DSCAM: variants seen among roughly 807,000 people sequenced by gnomAD.
The protein encoded by DSCAM is cell adhesion molecule DSCAM.
In DSCAM, 47 loss-of-function variants were observed where a neutral mutation model predicts 217.7. The observed-to-expected ratio is 0.22, with a 90% CI of 0.17 to 0.28. DSCAM has a LOEUF of 0.28. Ranked by LOEUF, DSCAM falls within the 10% of genes least tolerant of loss-of-function variation. DSCAM has a pLI of 1.00. For synonymous variants in DSCAM, 1,056 were observed against 1,015.3 expected, an observed-to-expected ratio of 1.04 and a Z score of -0.76; for missense variants, 2,080 against 2,618.3, an observed-to-expected ratio of 0.79 and a Z score of 4.49.
intron 29 of DSCAM, among the ~76,000 whole-genome samples, chr21:40,055,141 G>A (rs1482998821): frequency 6.6e-6 from 1 of 152,152 alleles, no homozygotes; most frequent in Non-Finnish European, 1.5e-5. Flanking sequence ...AAACCTCAGG[G>A]TGGCTGTTCT....
chr21:40,101,872 G>A (rs1227137778), intron 20 of DSCAM, among the ~76,000 whole-genome samples: 1 of 152,108 alleles, frequency 6.6e-6, no homozygotes, highest in Non-Finnish European at 1.5e-5. Flanking sequence ...AGGACCCCAT[G>A]AGCCAGACAT....
rs1415971571 is a variant in DSCAM at position 40,732,263 on chromosome 21, CCTTT to C, written c.44-23496_44-23493del. 1.9e-4 allele frequency among the ~76,000 whole-genome samples: 29 copies of C among 152,166 alleles called. 1 individual carries two copies. Among genetic ancestry groups the C allele is most frequent in the Admixed American group, 1.8e-3 (28 of 15,284 alleles). On this transcript the variant is annotated intron_variant, in intron 1 of 32. Coordinates refer to ENST00000400454, the MANE Select transcript of DSCAM (RefSeq NM_001389.5). ...TTATATCACCCTAGGACCCTCCCTTCCTTTAAGAATGAAGTTAAAGAGAGGCAGA... is the reference window on the plus strand; with the variant it reads ...TTATATCACCCTAGGACCCTCCCTTCAAGAATGAAGTTAAAGAGAGGCAGA...
chr21:40,342,626 G>GTGTATATATATATATATATATATA (rs1491362590), intron 6 of DSCAM, among the ~76,000 whole-genome samples: 3 of 94,718 alleles, frequency 3.2e-5, no homozygotes, highest in African/African-American at 1.5e-4. Flanking sequence ...GTGTGTGTGT[G>GTGTATATATATATATATATATATA]TATATATATA....
intron 3 of DSCAM, among the ~76,000 whole-genome samples, chr21:40,443,976 A>T (rs1298457153): frequency 6.6e-6 from 1 of 152,238 alleles, no homozygotes; most frequent in Admixed American, 6.5e-5. Context: ...GAAGAAAAAC[A>T]CTTAAATAAC....
At position 40,645,315 on chromosome 21, in the gene DSCAM, T is replaced by C. The variant is rs1444194934; in HGVS notation, c.508+47495A>G. 4.6e-5 allele frequency among the ~76,000 whole-genome samples: 7 copies of C among 152,008 alleles called. No individual in the cohort carries two copies. The East Asian group carries it at 1.2e-3, about 25-fold the overall frequency. ...ACACAGGCATCCGAAACCACAGAGA[T>C]GCAATAACTGAATGTAAAGTATCCG... On this transcript the variant is annotated intron_variant, in intron 3 of 32. Transcript: ENST00000400454.
At position 40,189,232 on chromosome 21, in the gene DSCAM, G is replaced by A. The variant is rs1419539530; in HGVS notation, c.2363C>T (p.Ala788Val). 9 of 1,570,026 alleles carry A rather than the reference G, an allele frequency of 5.7e-6. No individual in the cohort carries two copies. Among genetic ancestry groups the A allele is most frequent in the South Asian group, 1.2e-5 (1 of 83,640 alleles). ...KSMYLTVKIPAMITSYPNTTL... is the reference protein window; with the variant it reads ...KSMYLTVKIPVMITSYPNTTL... ...AGTATTTGGATAGGATGTTATCATC[G>A]CAGGAACTGAAAAAGCAAAAGGGAC... The change falls in exon 12 of 33, where the codon GCG becomes GTG. Residue 788 changes from alanine to valine, a missense_variant. This residue lies in a region of DSCAM where 218 missense variants were observed against 364.1 expected (regional missense o/e 0.60). Transcript: ENST00000400454.
chr21:40,317,530 C>A (rs1257643799), intron 8 of DSCAM, among the ~76,000 whole-genome samples: 1 of 149,838 alleles, frequency 6.7e-6, no homozygotes, highest in Non-Finnish European at 1.5e-5. Context: ...TTTTTCTTTT[C>A]TTTCTTTTTC....
intron 3 of DSCAM, among the ~76,000 whole-genome samples, chr21:40,591,587 C>T (rs1477266852): frequency 6.6e-6 from 1 of 152,004 alleles, no homozygotes; most frequent in African/African-American, 2.4e-5. Context: ...TAGAAAGTGT[C>T]CACTAGGGTT....
intron 16 of DSCAM, among the ~76,000 whole-genome samples, chr21:40,157,689 T>A (rs529026550): frequency 1.4e-5 from 1 of 69,826 alleles, no homozygotes; most frequent in African/African-American, 3.7e-5. Context: ...TCTTTCCTTT[T>A]CTTTTTTCTT....
At chr21:40,595,953 T>C (rs1178648133) in intron 3 of DSCAM, among the ~76,000 whole-genome samples, 6 of 152,240 alleles carry the variant, frequency 3.9e-5, no homozygotes, top group Non-Finnish European at 7.3e-5. Context: ...CTGTGGCCTC[T>C]GTGCTCTGTG....
chr21:40,526,726 C>CTCAGT (rs2076403644), intron 3 of DSCAM, among the ~76,000 whole-genome samples: 1 of 151,910 alleles, frequency 6.6e-6, no homozygotes, highest in Non-Finnish European at 1.5e-5. Flanking sequence ...GATTGTGGCA[C>CTCAGT]TCAGTTCACA....
intron 11 of DSCAM, among the ~76,000 whole-genome samples, chr21:40,210,232 C>T (rs1026078539): frequency 6.6e-6 from 1 of 152,226 alleles, no homozygotes; most frequent in Non-Finnish European, 1.5e-5. Context: ...AACTCACGTC[C>T]TACCTCCTCT....
intron 3 of DSCAM, among the ~76,000 whole-genome samples, chr21:40,447,910 T>C (rs533410581): frequency 6.6e-6 from 1 of 152,368 alleles, no homozygotes; most frequent in East Asian, 1.9e-4. Flanking sequence ...TGCTCTATTC[T>C]TCAAGACCAA....
chr21:40,777,532 A>G (rs930441107), intron 1 of DSCAM, among the ~76,000 whole-genome samples: 1 of 152,226 alleles, frequency 6.6e-6, no homozygotes. Context: ...TGGATGAAAC[A>G]CAATTCAGAA....
At chr21:40,646,428 A>AGG (rs1467690166) in intron 3 of DSCAM, among the ~76,000 whole-genome samples, 4,911 of 146,758 alleles carry the variant, frequency 0.033, 171 homozygotes, top group East Asian at 0.18. Context: ...AAAAAAAAAA[A>AGG]GGGGGGCTGT....
intron 3 of DSCAM, among the ~76,000 whole-genome samples, chr21:40,682,196 C>A (rs943268178): frequency 6.6e-6 from 1 of 151,516 alleles, no homozygotes; most frequent in Admixed American, 6.6e-5. Context: ...CAGAGGGATG[C>A]GGGGGAGTGA....
intron 20 of DSCAM, among the ~76,000 whole-genome samples, chr21:40,122,810 A>C (rs2090049230): frequency 6.6e-6 from 1 of 152,170 alleles, no homozygotes; most frequent in South Asian, 2.1e-4. Flanking sequence ...CAACAGACGG[A>C]ACTTCATGGG....
intron 3 of DSCAM, among the ~76,000 whole-genome samples, chr21:40,504,113 C>A (rs2076191702): frequency 6.6e-6 from 1 of 151,624 alleles, no homozygotes; most frequent in South Asian, 2.1e-4. Flanking sequence ...CTGGCCAGCT[C>A]TAGAAATGAA....
chr21:40,081,722 C>A (rs1484987976), intron 24 of DSCAM, among the ~76,000 whole-genome samples: 1 of 152,190 alleles, frequency 6.6e-6, no homozygotes, highest in Admixed American at 6.5e-5. Flanking sequence ...TTCCCTGTCC[C>A]CTGCTATCAT....
Sources: allele counts gnomAD v4.1 joint callset (sites outside exome capture counted in the v4.1 genomes callset), GRCh38; gene constraint gnomAD v4.1.1; regional missense constraint gnomAD v4.1.1; transcripts MANE v1.5; gene names NCBI Gene and HGNC (gene_info 2026-07-23, HGNC 2026-07-21).